Variants in ZER1 observed in about 807,000 individuals in gnomAD.
The protein encoded by ZER1 is protein zer-1 homolog.
A neutral mutation model predicts 78.8 loss-of-function variants in ZER1; 11 were observed. That is an observed-to-expected ratio of 0.14 (90% CI 0.09 to 0.23). The LOEUF is 0.23. ZER1 is among the 10% of genes least tolerant of loss of function. The pLI is 1.00. For missense variants in ZER1, 588 were observed against 996.9 expected (o/e 0.59, Z 5.52); for synonymous variants, 400 against 407.0 (o/e 0.98, Z 0.21).
chr9:128,759,769 TG>T (rs1863984631), intron 1 of ZER1, among the ~76,000 whole-genome samples: 1 of 152,074 alleles, frequency 6.6e-6, no homozygotes, highest in Admixed American at 6.6e-5. Flanking sequence ...CACTCCAGTC[TG>T]GGCAACAGAG....
intron 5 of ZER1, 129 bp downstream of exon 5, chr9:128,752,544 C>T (rs1023945727): frequency 1.9e-6 from 2 of 1,042,784 alleles, no homozygotes; most frequent in Non-Finnish European, 2.7e-6. Flanking sequence ...TGGTCTCTAA[C>T]TCCTGGCCTC....
chr9:128,768,691 T>C (rs1302735790), intron 1 of ZER1, among the ~76,000 whole-genome samples: 1 of 152,168 alleles, frequency 6.6e-6, no homozygotes, highest in Non-Finnish European at 1.5e-5. Flanking sequence ...GGCCTGAGGA[T>C]ATAGTCCGGG....
At chr9:128,741,870 G>C in intron 9 of ZER1, 29 bp from the exon 10 acceptor site, 1 of 1,614,192 alleles carries the variant, frequency 6.2e-7, no homozygotes, top group Middle Eastern at 1.6e-4. Context: ...GTCTGCTAGA[G>C]TGCTGGGGCT....
chr9:128,736,424 C>T (rs1333414220), intron 13 of ZER1, among the ~76,000 whole-genome samples: 23 of 143,406 alleles, frequency 1.6e-4, no homozygotes, highest in Non-Finnish European at 2.9e-4. Flanking sequence ...GACGGAGTCT[C>T]ACTCTGTCGC....
chr9:128,746,825 C>A (rs1412937273), intron 8 of ZER1, among the ~76,000 whole-genome samples: 4 of 151,714 alleles, frequency 2.6e-5, no homozygotes, highest in African/African-American at 9.7e-5. Context: ...AAGTAGAGAC[C>A]GGGTTTCACC....
intron 1 of ZER1, among the ~76,000 whole-genome samples, chr9:128,763,962 G>C (rs1864128023): frequency 6.6e-6 from 1 of 151,786 alleles, no homozygotes; most frequent in Non-Finnish European, 1.5e-5. Context: ...ACTCTAGCCT[G>C]GGCAATAAGA....
In ZER1 at chr9:128,742,608, G is replaced by C; in HGVS notation, c.1497C>G (p.Ala499=). The C allele has an allele frequency of 6.2e-7, 1 of 1,614,236 alleles. No individual in the cohort carries two copies. The highest frequency in any genetic ancestry group is 1.6e-4 in the Middle Eastern group (1 of 6,062). Residue 499 remains alanine (A), a synonymous_variant, in exon 9 of 16, where the codon GCC becomes GCG. Coordinates refer to ENST00000291900, the MANE Select transcript of ZER1 (RefSeq NM_006336.4). ...TRQDESIQRI[A]VHLCNALVCQ... is the part of the protein sequence containing the mutation. The stretch of plus-strand genomic sequence containing the variant: ...AGACCAGGGCATTGCACAGGTGCAC[G>C]GCGATCCGCTGGATAGACTCGTCCT...
At chr9:128,731,696 G>C (rs918052922) in intron 15 of ZER1, among the ~76,000 whole-genome samples, 2 of 152,116 alleles carry the variant, frequency 1.3e-5, no homozygotes, top group African/African-American at 4.8e-5. Context: ...GCTCAGGCCC[G>C]ACCTCCAAAA....
At chr9:128,749,543 G>A (rs1317910588) in intron 8 of ZER1, among the ~76,000 whole-genome samples, 5 of 152,138 alleles carry the variant, frequency 3.3e-5, no homozygotes, top group African/African-American at 1.2e-4. Context: ...GGGAGGCTGA[G>A]GCAGGTGGAT....
intron 15 of ZER1, 99 bp downstream of exon 15, chr9:128,733,327 C>T (rs981468613): frequency 4.0e-6 from 4 of 992,224 alleles, no homozygotes; most frequent in Non-Finnish European, 6.2e-6. Context: ...TAAGCTGTCC[C>T]TGGGAATTTC....
intron 8 of ZER1, among the ~76,000 whole-genome samples, chr9:128,749,514 C>CT: frequency 6.6e-6 from 1 of 152,050 alleles, no homozygotes; most frequent in East Asian, 1.9e-4. Context: ...GTGGCACATG[C>CT]TTGTAATCCC....
chr9:128,738,018 GTTTT>G (rs1250736513), intron 13 of ZER1, among the ~76,000 whole-genome samples: 8 of 149,266 alleles, frequency 5.4e-5, no homozygotes, highest in Non-Finnish European at 1.0e-4. Context: ...TTGTTTTCTT[GTTTT>G]TTTTATTCAT....
chr9:128,752,610 T>G, intron 5 of ZER1, 63 bp downstream of exon 5: 1 of 1,513,956 alleles, frequency 6.6e-7, no homozygotes, highest in East Asian at 2.3e-5. Context: ...CGTGAGCCAC[T>G]GCGCCAGCCT....
intron 5 of ZER1, among the ~76,000 whole-genome samples, chr9:128,752,100 G>A (rs1863698199): frequency 6.6e-6 from 1 of 152,092 alleles, no homozygotes; most frequent in African/African-American, 2.4e-5. Context: ...GCTTCCTCTG[G>A]CAGAGGCAGA....
chr9:128,757,845 G>A (rs1376605950), intron 1 of ZER1, among the ~76,000 whole-genome samples: 2 of 152,008 alleles, frequency 1.3e-5, no homozygotes, highest in African/African-American at 2.4e-5. Flanking sequence ...AAAGCTGAAC[G>A]TACATACGTT....
chr9:128,767,038 G>A (rs1225899782), intron 1 of ZER1, among the ~76,000 whole-genome samples: 5 of 151,100 alleles, frequency 3.3e-5, no homozygotes, highest in Non-Finnish European at 7.4e-5. Context: ...TGCCTCCTGG[G>A]TTCAGGCAAT....
In ZER1 at chr9:128,753,923, C is replaced by T; in HGVS notation, c.195G>A (p.Glu65=). Residue 65 remains glutamate (E), a synonymous_variant, in exon 3 of 16, where the codon GAG becomes GAA. Coordinates refer to ENST00000291900, the MANE Select transcript of ZER1 (RefSeq NM_006336.4). The surrounding 1 kb of genome is among the most constrained non-coding windows in gnomAD (Gnocchi z 7.5). The stretch of plus-strand genomic sequence containing the variant: ...AGAGGCTGAAGAAGCTCTCGTGTGG[C>T]TCGAAGTTACAGGCAGCGTTCACCA... ...VELVNAACNF[E]PHESFFSLFS... is the part of the protein sequence containing the mutation. 6.3e-7 allele frequency: 1 copy of T among 1,593,348 alleles called. No individual in the cohort carries two copies. The highest frequency in any genetic ancestry group is 8.5e-7 in the Non-Finnish European group (1 of 1,170,550).
At position 128,742,559 on chromosome 9, in the gene ZER1, CCTT is replaced by C; in HGVS notation, c.1543_1545del (p.Lys515del). 6.2e-7 allele frequency: 1 copy of C among 1,614,234 alleles called. No individual in the cohort carries two copies. The highest frequency in any genetic ancestry group is 8.5e-7 in the Non-Finnish European group (1 of 1,180,056). On this transcript the variant is annotated inframe_deletion, in exon 9 of 16. Transcript: ENST00000291900. ...ACAAAGCCCATCTTGCCCACGGCCT[CCTT>C]GTGGTCGTTGTCTACCTGGCAGACC...
chr9:128,766,823 G>A (rs1430141540), intron 1 of ZER1, among the ~76,000 whole-genome samples: 1 of 118,702 alleles, frequency 8.4e-6, no homozygotes, highest in African/African-American at 3.2e-5. Flanking sequence ...TCCTGCCTGG[G>A]TGACAGAGCA....
Sources: allele counts gnomAD v4.1 joint callset (sites outside exome capture counted in the v4.1 genomes callset), GRCh38; gene constraint gnomAD v4.1.1; non-coding constraint Gnocchi (gnomAD v3.1); transcripts MANE v1.5; gene names NCBI Gene and HGNC (gene_info 2026-07-23, HGNC 2026-07-21).